The following DDAH1 variants were observed in gnomAD, a reference collection of about 807,000 sequenced individuals.
DDAH1 encodes the protein N(G),N(G)-dimethylarginine dimethylaminohydrolase 1.
Under a neutral mutation model 28.8 loss-of-function variants are expected in DDAH1, and 19 were observed. The ratio of observed to expected loss-of-function variants is 0.66; its 90% CI spans 0.46 to 0.97. DDAH1 has a LOEUF of 0.97. Among genes scored for constraint, DDAH1 ranks in the 50% least tolerant of loss-of-function variants. DDAH1 has a pLI of 0.00. For synonymous variants in DDAH1, 153 were observed against 154.4 expected (o/e 0.99, Z 0.07); for missense variants, 326 against 375.9 (o/e 0.87, Z 1.10).
chr1:85,355,163 C>T (rs1014086604), intron 2 of DDAH1, among the ~76,000 whole-genome samples: 9 of 152,012 alleles, frequency 5.9e-5, no homozygotes, highest in Non-Finnish European at 8.8e-5. Context: ...CAGATAAAAT[C>T]TTAGAAAATG....
At chr1:85,419,674 C>A (rs762063766) in intron 1 of DDAH1, among the ~76,000 whole-genome samples, 17 of 151,988 alleles carry the variant, frequency 1.1e-4, no homozygotes, top group Non-Finnish European at 8.8e-5. Flanking sequence ...ATGCATTCCC[C>A]TATTATTGCC....
At chr1:85,369,568 T>C (rs1650267987) in intron 1 of DDAH1, among the ~76,000 whole-genome samples, 1 of 152,100 alleles carries the variant, frequency 6.6e-6, no homozygotes, top group South Asian at 2.1e-4. Flanking sequence ...CAATAATCAC[T>C]AACCGCCACT....
chr1:85,571,621 T>C (rs1343143755), intron 1 of DDAH1, among the ~76,000 whole-genome samples: 1 of 152,188 alleles, frequency 6.6e-6, no homozygotes, highest in Non-Finnish European at 1.5e-5. Flanking sequence ...ATGCCATACA[T>C]GTTATGTTTA....
chr1:85,567,931 G>A (rs914175748), intron 1 of DDAH1, among the ~76,000 whole-genome samples: 2 of 151,880 alleles, frequency 1.3e-5, no homozygotes, highest in Non-Finnish European at 2.9e-5. Context: ...CTATATTCTG[G>A]GTCATAAAAC....
At chr1:85,470,818 A>G (rs576415533) in intron 2 of DDAH1, among the ~76,000 whole-genome samples, 25 of 152,238 alleles carry the variant, frequency 1.6e-4, no homozygotes, top group African/African-American at 5.5e-4. Flanking sequence ...AGTTTCTCCA[A>G]CTTTCATCTG....
chr1:85,571,145 T>C (rs1226120807), intron 1 of DDAH1, among the ~76,000 whole-genome samples: 1 of 152,210 alleles, frequency 6.6e-6, no homozygotes, highest in Non-Finnish European at 1.5e-5. Flanking sequence ...GTTTGGCCCA[T>C]GGCGGTGCCC....
intron 1 of DDAH1, among the ~76,000 whole-genome samples, chr1:85,425,555 G>A (rs1653356831): frequency 3.3e-5 from 5 of 152,170 alleles, no homozygotes; most frequent in Admixed American, 3.3e-4. Context: ...TGTTTTCCAA[G>A]TCTGATCACC....
At chr1:85,334,887 T>C (rs1648010135) in intron 4 of DDAH1, among the ~76,000 whole-genome samples, 2 of 152,018 alleles carry the variant, frequency 1.3e-5, no homozygotes, top group Non-Finnish European at 2.9e-5. Context: ...ATATTCAAAG[T>C]GCTGAAAGAA....
intron 1 of DDAH1, among the ~76,000 whole-genome samples, chr1:85,505,160 T>A (rs527269349): frequency 6.6e-6 from 1 of 151,894 alleles, no homozygotes; most frequent in Non-Finnish European, 1.5e-5. Context: ...TGATTTTTTT[T>A]ATTTTTAGTA....
chr1:85,454,238 A>G (rs958607241), intron 1 of DDAH1, among the ~76,000 whole-genome samples: 8 of 152,234 alleles, frequency 5.3e-5, no homozygotes, highest in Admixed American at 1.3e-4. Flanking sequence ...AAGGAAAGGT[A>G]GAATCAGCTT....
At chr1:85,479,882 T>G (rs543141238) in intron 2 of DDAH1, among the ~76,000 whole-genome samples, 4 of 152,190 alleles carry the variant, frequency 2.6e-5, no homozygotes, top group Non-Finnish European at 4.4e-5. Flanking sequence ...AAATTCTGAT[T>G]TGGGAATTTT....
intron 1 of DDAH1, among the ~76,000 whole-genome samples, chr1:85,424,040 C>G (rs1653274439): frequency 6.6e-6 from 1 of 152,182 alleles, no homozygotes; most frequent in African/African-American, 2.4e-5. Flanking sequence ...AATGCCGAAT[C>G]AGCCTTGCAT....
chr1:85,396,630 G>C (rs1651826536), intron 1 of DDAH1, among the ~76,000 whole-genome samples: 1 of 152,108 alleles, frequency 6.6e-6, no homozygotes, highest in Non-Finnish European at 1.5e-5. Context: ...CCAAAAGAGA[G>C]ATATTAAACC....
intron 2 of DDAH1, among the ~76,000 whole-genome samples, chr1:85,358,477 C>T (rs1320938690): frequency 6.6e-6 from 1 of 151,830 alleles, no homozygotes; most frequent in Non-Finnish European, 1.5e-5. Flanking sequence ...TAGTGAAATC[C>T]CATCTCTACT....
chr1:85,441,592 G>C (rs1208972025), intron 1 of DDAH1, among the ~76,000 whole-genome samples: 1 of 151,914 alleles, frequency 6.6e-6, no homozygotes, highest in African/African-American at 2.4e-5. Context: ...ACTACACAAG[G>C]ATTGAAAATT....
chr1:85,527,605 T>C (rs1657919437), intron 1 of DDAH1, among the ~76,000 whole-genome samples: 3 of 152,182 alleles, frequency 2.0e-5, no homozygotes, highest in Admixed American at 2.0e-4. Context: ...CTGGATTCTG[T>C]GCATCACACA....
intron 1 of DDAH1, among the ~76,000 whole-genome samples, chr1:85,375,293 T>C (rs1180926398): frequency 6.6e-6 from 1 of 152,076 alleles, no homozygotes; most frequent in Non-Finnish European, 1.5e-5. Flanking sequence ...CTGTTCTCTG[T>C]GGATATACAG....
chr1:85,319,848 C>T lies in DDAH1; in HGVS notation c.*1604G>A, dbSNP rs1436667223. 3.3e-5 allele frequency: 3 copies of T among 91,444 alleles called. No individual in the cohort carries two copies. The highest frequency in any genetic ancestry group is 4.4e-5 in the Non-Finnish European group (2 of 45,946). 5.7% of individuals were successfully genotyped at this position (91,444 alleles called of 1,614,324 possible). A position where few individuals can be genotyped will look rare whatever the true frequency, so the allele number is the denominator to read the frequency against. On this transcript the variant is annotated 3_prime_UTR_variant, in exon 6 of 6. Coordinates refer to ENST00000284031, the MANE Select transcript of DDAH1 (RefSeq NM_012137.4). ...GAAAGATAGTGGTTAAGGATGTTTT[C>T]ATTTTCTCAGAGGTTTCTCCTTCCA... is the stretch of plus-strand genomic sequence containing the variant.
intron 1 of DDAH1, among the ~76,000 whole-genome samples, chr1:85,512,184 G>T (rs1375719122): frequency 6.6e-6 from 1 of 152,148 alleles, no homozygotes; most frequent in Non-Finnish European, 1.5e-5. Context: ...GGGATGCAAG[G>T]CTGGTTCAAC....
Sources: allele counts gnomAD v4.1 joint callset (sites outside exome capture counted in the v4.1 genomes callset), GRCh38; gene constraint gnomAD v4.1.1; transcripts MANE v1.5; gene names NCBI Gene and HGNC (gene_info 2026-07-23, HGNC 2026-07-21).